Variants in NAE1 observed in about 807,000 individuals in gnomAD.
NAE1 encodes the protein NEDD8 activating enzyme E1 subunit 1.
NAE1 carries 59 observed loss-of-function variants against 88.0 expected under a neutral mutation model. The observed-to-expected ratio is 0.67, with a 90% CI of 0.54 to 0.83. The LOEUF (loss-of-function observed/expected upper bound fraction) is 0.83. Among genes scored for constraint, NAE1 ranks in the 40% least tolerant of loss-of-function variants. The pLI is 0.00. For missense variants in NAE1, 554 were observed against 632.8 expected, an observed-to-expected ratio of 0.88 and a Z score of 1.34; for synonymous variants, 186 against 208.9, an observed-to-expected ratio of 0.89 and a Z score of 0.95.
intron 13 of NAE1, chr16:66,813,013 C>G (rs1959881204): frequency 6.6e-6 from 1 of 152,304 alleles, no homozygotes; most frequent in African/African-American, 2.4e-5. Flanking sequence ...TTAGTAGAGA[C>G]AGGGTTTCAC....
chr16:66,826,615 C>T, intron 2 of NAE1, 32 bp from the exon 3 acceptor site: 1 of 1,613,938 alleles, frequency 6.2e-7, no homozygotes, highest in Non-Finnish European at 8.5e-7. Context: ...GTCAGGAATA[C>T]ATAGTTCTAG....
chr16:66,823,333 A>G lies in NAE1; in HGVS notation c.322-27T>C, dbSNP rs187549345. The G allele has an allele frequency of 1.3e-5, 20 of 1,528,288 alleles. No individual in the cohort carries two copies. In the East Asian group the frequency reaches 3.2e-4, roughly 24 times the overall value. The allele number at this position is 1,528,288 out of a possible 1,614,324, so 94.7% of individuals were successfully genotyped here. ...TAAACAGGACAGCAAAGAAAAAAAC[A>G]AACAAAAAAAACCAATTTCACAATC... On this transcript the variant is annotated intron_variant, in intron 5 of 19. Transcript: ENST00000290810.
rs750161772 is a variant in NAE1, at chr16:66,830,931, C to T, written c.-32G>A. Reference sequence around the variant, plus strand: ...GCCTGCCGCGCGGAAAACAGCCGAGCCCCTGCGGAGCGCCGCCACCAGCTC... The same window carrying T: ...GCCTGCCGCGCGGAAAACAGCCGAGTCCCTGCGGAGCGCCGCCACCAGCTC... On this transcript the variant is annotated 5_prime_UTR_variant, in exon 1 of 20. Transcript: ENST00000290810. 2 of 1,506,492 alleles carry T rather than the reference C, an allele frequency of 1.3e-6. No homozygotes were observed. Among genetic ancestry groups the T allele is most frequent in the African/African-American group, 1.5e-5 (1 of 68,840 alleles). 93.3% of individuals were successfully genotyped at this position (1,506,492 alleles called of 1,614,324 possible). A position where few individuals can be genotyped will look rare whatever the true frequency, so the allele number is the denominator to read the frequency against.
intron 11 of NAE1, 147 bp from the exon 12 acceptor site, chr16:66,813,993 A>T: frequency 1.3e-6 from 1 of 788,258 alleles, no homozygotes; most frequent in Non-Finnish European, 2.0e-6. Flanking sequence ...TTTATTTAGA[A>T]TCAGTACCAT....
At chr16:66,812,512 T>C (rs1959844663) in intron 13 of NAE1, among the ~76,000 whole-genome samples, 1 of 148,690 alleles carries the variant, frequency 6.7e-6, no homozygotes, top group Admixed American at 6.7e-5. Flanking sequence ...CCCCCTAAGT[T>C]CTTTTTTTTT....
intron 1 of NAE1, 133 bp downstream of exon 1, chr16:66,830,714 G>T: frequency 1.2e-6 from 1 of 823,332 alleles, no homozygotes; most frequent in Non-Finnish European, 1.8e-6. Flanking sequence ...CCGGCTTCCC[G>T]CGCCCCGCAC....
At chr16:66,829,429 C>T (rs1035665714) in intron 1 of NAE1, among the ~76,000 whole-genome samples, 2 of 152,204 alleles carry the variant, frequency 1.3e-5, no homozygotes, top group Non-Finnish European at 2.9e-5. Context: ...TAGTTTACAT[C>T]CTGGCTCAAA....
At chr16:66,814,718 C>T (rs1327857548) in intron 11 of NAE1, among the ~76,000 whole-genome samples, 1 of 152,100 alleles carries the variant, frequency 6.6e-6, no homozygotes, top group Non-Finnish European at 1.5e-5. Flanking sequence ...CACTCCCAGT[C>T]CCCTCAATTG....
At chr16:66,830,037 C>A (rs1373458280) in intron 1 of NAE1, among the ~76,000 whole-genome samples, 2 of 152,136 alleles carry the variant, frequency 1.3e-5, no homozygotes. Context: ...AGGCGCGCAC[C>A]ACCACGCCCA....
rs1960480706 is a variant in NAE1 at position 66,826,789 on chromosome 16, C to T, written c.54-9G>A. 2 of 1,581,624 alleles carry T rather than the reference C, an allele frequency of 1.3e-6. No individual in the cohort carries two copies. Among genetic ancestry groups the T allele is most frequent in the Non-Finnish European group, 8.6e-7 (1 of 1,169,086 alleles). ...CATGATCACCCCACAACCTACAAAA[C>T]AGACACAAATTTGATGTTTTTAAAA... is the stretch of plus-strand genomic sequence containing the variant. On this transcript the variant is annotated splice_polypyrimidine_tract_variant and intron_variant, in intron 1 of 19. Transcript: ENST00000290810.
chr16:66,817,992 G>A (rs1337378675), intron 8 of NAE1, among the ~76,000 whole-genome samples: 1 of 152,124 alleles, frequency 6.6e-6, no homozygotes, highest in Non-Finnish European at 1.5e-5. Flanking sequence ...GTACTTAGGT[G>A]TATATATTTA....
In NAE1 at chr16:66,824,893, G is replaced by T; in HGVS notation, c.219-8C>A. On this transcript the variant is annotated splice_polypyrimidine_tract_variant and splice_region_variant and intron_variant, in intron 3 of 19. Transcript: ENST00000290810. ...CTTCTTTGAAGGAAGAAACTAAAGT[G>T]AACAGAATAAAGGAAAAAAAAGTAA... The T allele has an allele frequency of 6.2e-7, 1 of 1,605,982 alleles. No individual in the cohort carries two copies.
chr16:66,808,692 C>T (rs1190025172), intron 16 of NAE1, 79 bp from the exon 17 acceptor site: 2 of 1,065,168 alleles, frequency 1.9e-6, no homozygotes, highest in South Asian at 1.3e-5. Flanking sequence ...TTACTATATA[C>T]TTGAGTTTCA....
intron 13 of NAE1, among the ~76,000 whole-genome samples, chr16:66,811,419 A>G (rs1225120681): frequency 6.6e-6 from 1 of 152,206 alleles, no homozygotes; most frequent in Admixed American, 6.5e-5. Flanking sequence ...AAAATACTGT[A>G]TTAATGACAA....
chr16:66,828,797 G>A (rs1259840629), intron 1 of NAE1, among the ~76,000 whole-genome samples: 1 of 151,766 alleles, frequency 6.6e-6, no homozygotes, highest in Non-Finnish European at 1.5e-5. Context: ...TACGAGACCA[G>A]CCTGGGCAAA....
rs779239692 is a variant in NAE1, at chr16:66,824,861, G to A, written c.243C>T (p.Ile81=). ...ATATTCTCTAATTGTTTACCTTGCC[G>A]ATACTGCTTCTTTGAAGGAAGAAAC... ...GNNFFLQRSS[I]GKNRAEAAME... Residue 81 remains isoleucine (I), a synonymous_variant, in exon 4 of 20, where the codon ATC becomes ATT. Coordinates refer to ENST00000290810, the MANE Select transcript of NAE1 (RefSeq NM_003905.4). The A allele has an allele frequency of 1.6e-5, 25 of 1,609,582 alleles. No individual in the cohort carries two copies. The highest frequency in any genetic ancestry group is 9.4e-5 in the African/African-American group (7 of 74,762).
chr16:66,820,856 G>A (rs1186878738), intron 7 of NAE1, among the ~76,000 whole-genome samples: 4 of 149,094 alleles, frequency 2.7e-5, no homozygotes, highest in South Asian at 2.1e-4. Context: ...AGCCAAGATC[G>A]CGCCACTGCA....
chr16:66,810,206 T>C (rs1403771900), intron 15 of NAE1, among the ~76,000 whole-genome samples, 168 bp downstream of exon 15: 1 of 152,124 alleles, frequency 6.6e-6, no homozygotes, highest in East Asian at 1.9e-4. Context: ...ATACTCGCCA[T>C]GTATTGTATT....
chr16:66,829,362 C>T (rs1185105892), intron 1 of NAE1, among the ~76,000 whole-genome samples: 4 of 152,186 alleles, frequency 2.6e-5, no homozygotes, highest in Non-Finnish European at 5.9e-5. Flanking sequence ...TGTTTCTTCT[C>T]CGAAAAGCTT....
Sources: gnomAD v4.1 joint callset for allele counts (sites outside exome capture counted in the v4.1 genomes callset) on GRCh38, gnomAD v4.1.1 for gene constraint, MANE v1.5 for transcripts, NCBI Gene and HGNC (gene_info 2026-07-23, HGNC 2026-07-21) for gene names.